Variants in SFMBT2 observed in about 807,000 individuals in gnomAD.
SFMBT2 encodes scm-like with four MBT domains protein 2.
In SFMBT2, 38 loss-of-function variants were observed where a neutral mutation model predicts 110.1. The ratio of observed to expected loss-of-function variants is 0.35; its 90% confidence interval spans 0.27 to 0.45. SFMBT2 has a LOEUF of 0.45. SFMBT2 is among the 20% of genes least tolerant of loss of function. SFMBT2 has a pLI of 1.00. For synonymous variants in SFMBT2, 425 were observed against 425.4 expected, an observed-to-expected ratio of 1.00 and a Z score of 0.01; for missense variants, 1,011 against 1,094.9, an observed-to-expected ratio of 0.92 and a Z score of 1.08.
intron 4 of SFMBT2, among the ~76,000 whole-genome samples, chr10:7,291,174 C>G (rs1159256694): frequency 2.6e-5 from 4 of 152,190 alleles, no homozygotes; most frequent in Non-Finnish European, 4.4e-5. Context: ...CTGAGACCAG[C>G]TGCCCCAGGC....
chr10:7,332,002 TGA>T (rs1418661305), intron 4 of SFMBT2, among the ~76,000 whole-genome samples: 1 of 116,126 alleles, frequency 8.6e-6, no homozygotes, highest in Non-Finnish European at 1.6e-5. Context: ...GGCAACAGAA[TGA>T]GACTCTGTCT....
At chr10:7,278,627 A>G (rs1018682529) in intron 6 of SFMBT2, among the ~76,000 whole-genome samples, 13 of 152,236 alleles carry the variant, frequency 8.5e-5, no homozygotes, top group African/African-American at 2.9e-4. Context: ...ACCAGCTCAC[A>G]GAAAACAATG....
intron 11 of SFMBT2, among the ~76,000 whole-genome samples, chr10:7,215,990 G>A (rs548275124): frequency 2.0e-5 from 3 of 152,250 alleles, no homozygotes; most frequent in East Asian, 1.9e-4. Context: ...ATTCTCTCTC[G>A]GAAAATTCTT....
rs1049934122 is a variant in SFMBT2 at position 7,367,265 on chromosome 10, G to C, written c.436+384C>G. 6.7e-6 allele frequency among the ~76,000 whole-genome samples: 1 copy of C among 150,242 alleles called. No individual in the cohort carries two copies. The highest frequency in any genetic ancestry group is 1.5e-5 in the Non-Finnish European group (1 of 67,554). ...CAACATGGCCAATCACCAAACACAAGACCTCAACTCCTGATGTCCTTTCAG... is the reference window on the plus strand; with the variant it reads ...CAACATGGCCAATCACCAAACACAACACCTCAACTCCTGATGTCCTTTCAG... On this transcript the variant is annotated intron_variant, in intron 4 of 20. Transcript: ENST00000397167. The surrounding 1 kb of genome is among the most constrained non-coding windows in gnomAD (Gnocchi z 6.2).
chr10:7,287,204 C>A (rs922274440), intron 4 of SFMBT2, among the ~76,000 whole-genome samples: 1 of 151,446 alleles, frequency 6.6e-6, no homozygotes, highest in African/African-American at 2.4e-5. Flanking sequence ...CTCAGCCTCC[C>A]GAGTAGCTGG....
chr10:7,165,902 C>T (rs546738948), intron 20 of SFMBT2, among the ~76,000 whole-genome samples: 18 of 152,186 alleles, frequency 1.2e-4, no homozygotes, highest in Non-Finnish European at 2.5e-4. Flanking sequence ...CTCTAGGTCG[C>T]GAAGAAACCA....
chr10:7,184,480 T>A (rs185892489), intron 16 of SFMBT2, among the ~76,000 whole-genome samples: 3 of 152,288 alleles, frequency 2.0e-5, no homozygotes, highest in Non-Finnish European at 4.4e-5. Context: ...TGAGTCCATT[T>A]AACCTTTTTT....
intron 1 of SFMBT2, among the ~76,000 whole-genome samples, chr10:7,385,893 A>C (rs185911340): frequency 4.6e-5 from 7 of 152,132 alleles, no homozygotes; most frequent in Admixed American, 4.6e-4. Context: ...CCAGCTACTC[A>C]GGAGACTGAG....
intron 11 of SFMBT2, among the ~76,000 whole-genome samples, chr10:7,216,472 C>A (rs7076306): frequency 0.21 from 32,261 of 152,130 alleles, 4,336 homozygotes; most frequent in South Asian, 0.37. Context: ...GATTGTGAGG[C>A]CTATCCAGCC....
intron 1 of SFMBT2, among the ~76,000 whole-genome samples, chr10:7,390,329 T>C (rs1845730666): frequency 6.6e-6 from 1 of 152,218 alleles, no homozygotes; most frequent in Non-Finnish European, 1.5e-5. Flanking sequence ...AATGTAATAA[T>C]GTCAAGCTAG....
At chr10:7,187,939 G>A (rs1227224449) in intron 16 of SFMBT2, among the ~76,000 whole-genome samples, 2 of 152,122 alleles carry the variant, frequency 1.3e-5, no homozygotes, top group African/African-American at 4.8e-5. Context: ...GTCCTCTCAA[G>A]CACTCTAAAC....
At chr10:7,282,874 A>C (rs978855020) in intron 6 of SFMBT2, among the ~76,000 whole-genome samples, 46 of 91,282 alleles carry the variant, frequency 5.0e-4, no homozygotes, top group Non-Finnish European at 9.4e-4. Flanking sequence ...ACCGGAATGA[A>C]GATTCACCAA....
intron 1 of SFMBT2, among the ~76,000 whole-genome samples, chr10:7,387,706 A>G (rs1170974269): frequency 6.6e-6 from 1 of 151,630 alleles, no homozygotes. Context: ...TGAAGCGGGC[A>G]GATCACTTGA....
In SFMBT2 at chr10:7,213,825, T is replaced by G. The variant is rs916716002; in HGVS notation, c.1330+6586A>C. Among the ~76,000 whole-genome samples the G allele has an allele frequency of 3.3e-5, 5 of 151,788 alleles. No homozygotes were observed. The East Asian group carries it at 9.8e-4, about 30-fold the overall frequency. ...GCACTCAGATCCGTGTGTGATGCCA[T>G]GGGCATGGGCACTCAGATCCGTGTG... On this transcript the variant is annotated intron_variant, in intron 11 of 20. Transcript: ENST00000397167.
At chr10:7,300,995 C>G (rs1842541640) in intron 4 of SFMBT2, among the ~76,000 whole-genome samples, 1 of 152,164 alleles carries the variant, frequency 6.6e-6, no homozygotes, top group Non-Finnish European at 1.5e-5. Context: ...AAATAAAGAT[C>G]ATTAAGACAC....
Position 7,273,463 on chromosome 10 carries a change from C to T in SFMBT2, c.870+3429G>A, listed in dbSNP as rs1841667530. On this transcript the variant is annotated intron_variant, in intron 7 of 20. Transcript: ENST00000397167. ...ACAAGAACCAACCAACCCCCGCCCA[C>T]ATTTTTTTAATGTATTTTTTTAAAT... Among the ~76,000 whole-genome samples the T allele has an allele frequency of 2.0e-5, 3 of 152,172 alleles. No individual in the cohort carries two copies. In the South Asian group the frequency reaches 6.2e-4, roughly 32 times the overall value.
intron 4 of SFMBT2, among the ~76,000 whole-genome samples, chr10:7,310,655 T>C (rs751257684): frequency 3.9e-5 from 6 of 152,232 alleles, no homozygotes; most frequent in Non-Finnish European, 8.8e-5. Context: ...AATTTTCTTT[T>C]GCTAAGGCTC....
At chr10:7,200,716 C>T (rs541017923) in intron 13 of SFMBT2, among the ~76,000 whole-genome samples, 4 of 152,340 alleles carry the variant, frequency 2.6e-5, no homozygotes, top group South Asian at 2.1e-4. Context: ...ACACCTGCCC[C>T]TGAGCAGCTG....
chr10:7,381,703 A>C (rs973293977), intron 2 of SFMBT2, 96 bp downstream of exon 2: 3 of 1,303,548 alleles, frequency 2.3e-6, no homozygotes, highest in African/African-American at 2.9e-5. Context: ...AGTATGTGAG[A>C]TCTACAAATG....
Sources: allele counts gnomAD v4.1 joint callset (sites outside exome capture counted in the v4.1 genomes callset), GRCh38; gene constraint gnomAD v4.1.1; non-coding constraint Gnocchi (gnomAD v3.1); transcripts MANE v1.5; gene names NCBI Gene and HGNC (gene_info 2026-07-23, HGNC 2026-07-21).